PXDNL: variants seen among roughly 807,000 people sequenced by gnomAD.
PXDNL encodes probable oxidoreductase PXDNL.
PXDNL carries 145 observed loss-of-function variants against 150.8 expected under a neutral mutation model. That is an observed-to-expected ratio of 0.96 (90% confidence interval 0.84 to 1.10). The LOEUF (loss-of-function observed/expected upper bound fraction) is 1.10, where lower values mean the gene tolerates loss of function less well. Among genes scored for constraint, PXDNL ranks in the 50% least tolerant of loss-of-function variants. The pLI is 0.00. For missense variants in PXDNL, 2,087 were observed against 1,873.9 expected (o/e 1.11, Z -2.10); for synonymous variants, 757 against 725.7 (o/e 1.04, Z -0.69).
At chr8:51,559,476 A>G (rs1812675449) in intron 3 of PXDNL, among the ~76,000 whole-genome samples, 1 of 151,862 alleles carries the variant, frequency 6.6e-6, no homozygotes, top group Admixed American at 6.6e-5. Flanking sequence ...ACCTCTGAAA[A>G]CCACACAGTT....
chr8:51,325,309 C>T (rs546737027), intron 21 of PXDNL, among the ~76,000 whole-genome samples: 104 of 152,338 alleles, frequency 6.8e-4, no homozygotes, highest in Non-Finnish European at 2.2e-4. Flanking sequence ...TTGGATCTTA[C>T]TTAAGCCTTC....
At chr8:51,712,834 C>G (rs1042555993) in intron 1 of PXDNL, among the ~76,000 whole-genome samples, 1 of 152,106 alleles carries the variant, frequency 6.6e-6, no homozygotes, top group African/African-American at 2.4e-5. Flanking sequence ...ACTTCTAATA[C>G]CTTATGATTA....
chr8:51,436,692 G>T (rs1483948897), intron 12 of PXDNL, among the ~76,000 whole-genome samples: 1 of 151,940 alleles, frequency 6.6e-6, no homozygotes, highest in Non-Finnish European at 1.5e-5. Context: ...AAAACCTCTG[G>T]GATAAAGCAA....
At chr8:51,362,535 T>C (rs1015971198) in intron 19 of PXDNL, among the ~76,000 whole-genome samples, 1 of 152,260 alleles carries the variant, frequency 6.6e-6, no homozygotes, top group African/African-American at 2.4e-5. Context: ...TTTTTTAAAG[T>C]GCTTTTCAGA....
chr8:51,358,256 C>G (rs1412433475), intron 19 of PXDNL, among the ~76,000 whole-genome samples: 2 of 152,158 alleles, frequency 1.3e-5, no homozygotes, highest in Non-Finnish European at 2.9e-5. Flanking sequence ...CTTCTCTCTT[C>G]CCAGGCTAAA....
chr8:51,644,833 G>A lies in PXDNL; in HGVS notation c.236+9856C>T, dbSNP rs1037955976. On this transcript the variant is annotated intron_variant, in intron 2 of 22. Coordinates refer to ENST00000356297, the MANE Select transcript of PXDNL (RefSeq NM_144651.5). ...AAGGGGGCTGAGTCTAGGAGCTCAC[G>A]TCAGAAAAGGGCCCCAGGCTGATTG... Among the ~76,000 whole-genome samples the A allele has an allele frequency of 4.6e-5, 7 of 151,814 alleles. No homozygotes were observed. In the East Asian group the frequency reaches 9.7e-4, roughly 21 times the overall value.
At position 51,714,750 on chromosome 8, in the gene PXDNL, T is replaced by C. The variant is rs77860267; in HGVS notation, c.165-59990A>G. Among the ~76,000 whole-genome samples the C allele has an allele frequency of 1.4e-3, 217 of 152,342 alleles. 8 individuals carry two copies. The East Asian group carries it at 0.037, about 26-fold the overall frequency. On this transcript the variant is annotated intron_variant, in intron 1 of 22. Transcript: ENST00000356297. ...ACCATTTTGTAAAGTAAAACAAATC[T>C]CCTGAATGGACAAATGAAATACCTT...
intron 2 of PXDNL, among the ~76,000 whole-genome samples, chr8:51,647,639 C>T (rs999515207): frequency 6.6e-6 from 1 of 152,162 alleles, no homozygotes; most frequent in Non-Finnish European, 1.5e-5. Context: ...GGAGCATGAA[C>T]TTTGTAGCCA....
intron 14 of PXDNL, among the ~76,000 whole-genome samples, chr8:51,421,849 CA>C (rs956255819): frequency 6.6e-6 from 1 of 152,152 alleles, no homozygotes; most frequent in Non-Finnish European, 1.5e-5. Flanking sequence ...ATACCTAGAC[CA>C]GGGGTTCCCA....
intron 19 of PXDNL, among the ~76,000 whole-genome samples, chr8:51,361,960 A>AAAAAAAAAAAAAAAAAAAAAAAAAAAAAG (rs1563374211): frequency 3.4e-5 from 5 of 148,896 alleles, no homozygotes; most frequent in African/African-American, 1.3e-4. Context: ...AAAAAAAAAA[A>AAAAAAAAAAAAAAAAAAAAAAAAAAAAAG]AAAAAGAAAA....
At chr8:51,471,787 C>G (rs867906074) in intron 8 of PXDNL, among the ~76,000 whole-genome samples, 1 of 151,566 alleles carries the variant, frequency 6.6e-6, no homozygotes, top group Non-Finnish European at 1.5e-5. Flanking sequence ...CCCGGGTTCA[C>G]GCCATTCTCC....
chr8:51,754,670 A>AT (rs1448564759), intron 1 of PXDNL, among the ~76,000 whole-genome samples: 1 of 151,762 alleles, frequency 6.6e-6, no homozygotes. Context: ...TGCCCGGCTA[A>AT]TTTTTTGTAT....
At chr8:51,525,722 C>T (rs1811756966) in intron 4 of PXDNL, among the ~76,000 whole-genome samples, 1 of 152,180 alleles carries the variant, frequency 6.6e-6, no homozygotes, top group Non-Finnish European at 1.5e-5. Flanking sequence ...GTCCTCTTAG[C>T]AGAGCAACCC....
intron 1 of PXDNL, among the ~76,000 whole-genome samples, chr8:51,754,770 T>TG: frequency 6.6e-6 from 1 of 152,296 alleles, no homozygotes; most frequent in Non-Finnish European, 1.5e-5. Flanking sequence ...CCCAAAGTGC[T>TG]GGGATTACAG....
At chr8:51,465,992 A>G (rs541891963) in intron 8 of PXDNL, among the ~76,000 whole-genome samples, 6 of 152,268 alleles carry the variant, frequency 3.9e-5, no homozygotes, top group South Asian at 2.1e-4. Context: ...TACAAATTCA[A>G]TGCTATTCCT....
At chr8:51,694,048 C>T (rs1297839628) in intron 1 of PXDNL, among the ~76,000 whole-genome samples, 1 of 152,194 alleles carries the variant, frequency 6.6e-6, no homozygotes, top group Non-Finnish European at 1.5e-5. Context: ...TTCTTCTTAT[C>T]ACCTTCCACC....
chr8:51,781,702 G>A (rs1308435090), intron 1 of PXDNL, among the ~76,000 whole-genome samples: 1 of 152,208 alleles, frequency 6.6e-6, no homozygotes, highest in Admixed American at 6.5e-5. Flanking sequence ...TGTTACCACA[G>A]GGGAGAAACA....
chr8:51,494,022 G>C (rs1484567434), intron 5 of PXDNL, among the ~76,000 whole-genome samples: 3 of 152,174 alleles, frequency 2.0e-5, no homozygotes, highest in Non-Finnish European at 1.5e-5. Context: ...GTTAAGGGCA[G>C]CCAGAGAGAA....
At chr8:51,455,115 CAAAA>C (rs536468204) in intron 9 of PXDNL, among the ~76,000 whole-genome samples, 1 of 15,864 alleles carries the variant, frequency 6.3e-5, no homozygotes, top group Non-Finnish European at 1.0e-4. Context: ...GACTCCGTCT[CAAAA>C]AAAAAAAAAA....
Sources: allele counts gnomAD v4.1 joint callset (sites outside exome capture counted in the v4.1 genomes callset), GRCh38; gene constraint gnomAD v4.1.1; transcripts MANE v1.5; gene names NCBI Gene and HGNC (gene_info 2026-07-23, HGNC 2026-07-21).